Variants in CNGB1 observed in about 807,000 individuals in gnomAD.
CNGB1 encodes cyclic nucleotide gated channel subunit beta 1.
In CNGB1, 126 loss-of-function variants were observed where a neutral mutation model predicts 151.7. That is an observed-to-expected ratio of 0.83 (90% CI 0.72 to 0.96). CNGB1 has a LOEUF of 0.96. Ranked by LOEUF, CNGB1 falls within the 40% of genes least tolerant of loss-of-function variation. The pLI, the probability that CNGB1 is intolerant of heterozygous loss-of-function variation, is 0.00. For synonymous variants in CNGB1, 623 were observed against 635.1 expected, an observed-to-expected ratio of 0.98 and a Z score of 0.29; for missense variants, 1,698 against 1,627.0, an observed-to-expected ratio of 1.04 and a Z score of -0.75.
At position 57,897,905 on chromosome 16, in the gene CNGB1, C is replaced by T. The variant is rs546596310; in HGVS notation, c.2986G>A (p.Gly996Ser). 2.6e-5 allele frequency: 42 copies of T among 1,614,162 alleles called. No individual in the cohort carries two copies. The highest frequency in any genetic ancestry group is 2.0e-4 in the South Asian group (18 of 91,086). ...GCCTGGATGATGTACATCTCACGGCCGATCTCCCCCTGAAACAAAGAAGTG... is the reference window on the plus strand; with the variant it reads ...GCCTGGATGATGTACATCTCACGGCTGATCTCCCCCTGAAACAAAGAAGTG... ...NDYVCKKGEI[G>S]REMYIIQAGQ... The change falls in exon 30 of 33, where the codon GGC becomes AGC. Residue 996 changes from glycine to serine, a missense_variant. By Grantham distance (56) the Gly-to-Ser change is moderately conservative. Transcript: ENST00000251102.
At chr16:57,904,644 G>A (rs1960490399) in intron 26 of CNGB1, 90 bp downstream of exon 26, 1 of 1,579,602 alleles carries the variant, frequency 6.3e-7, no homozygotes, top group Non-Finnish European at 8.7e-7. Flanking sequence ...TAATCCAAAA[G>A]CAACGGGCAC....
At chr16:57,926,761 C>T (rs1289261811) in intron 17 of CNGB1, among the ~76,000 whole-genome samples, 1 of 152,186 alleles carries the variant, frequency 6.6e-6, no homozygotes, top group African/African-American at 2.4e-5. Flanking sequence ...GGGCAGATCA[C>T]TTGAGGTCAG....
At position 57,903,962 on chromosome 16, in the gene CNGB1, G is replaced by A. The variant is rs747402696; in HGVS notation, c.2654C>T (p.Ala885Val). 6.2e-7 allele frequency: 1 copy of A among 1,613,862 alleles called. No homozygotes were observed. The highest frequency in any genetic ancestry group is 8.5e-7 in the Non-Finnish European group (1 of 1,179,968). Residue 885 changes from alanine (A) to valine (V), a missense_variant, in exon 27 of 33, where the codon GCC (alanine) becomes GTC (valine). Coordinates refer to ENST00000251102, the MANE Select transcript of CNGB1 (RefSeq NM_001297.5). ...GTAGTAGGTCTGTCCGGCGGTGGCG[G>A]CCCCTACCACATCTCTCATCTGGGG... The part of the protein sequence containing the change: ...MIGQMRDVVG[A>V]ATAGQTYYRS...
At chr16:57,898,835 T>C (rs1291081209) in intron 29 of CNGB1, among the ~76,000 whole-genome samples, 2 of 152,242 alleles carry the variant, frequency 1.3e-5, no homozygotes, top group Non-Finnish European at 2.9e-5. Flanking sequence ...ATGGTTGTTA[T>C]GGGTTGAATT....
rs747053697 is a variant in CNGB1, at chr16:57,897,812, C to T, written c.3079G>A (p.Val1027Met). 70 of 1,614,134 alleles carry T rather than the reference C, an allele frequency of 4.3e-5. No homozygotes were observed. Among genetic ancestry groups the T allele is most frequent in the Non-Finnish European group, 5.8e-5 (68 of 1,180,054 alleles). Reference protein sequence around the residue: ...SVLVTLKAGSVFGEISLLAVG... With the variant: ...SVLVTLKAGSMFGEISLLAVG... ...GCGTCTGACCTTATTTCTCCAAACA[C>T]AGATCCAGCTTTCAGCGTCACCAGC... is the stretch of plus-strand genomic sequence containing the variant. Residue 1027 changes from valine (V) to methionine (M), a missense_variant, in exon 30 of 33, where the codon GTG becomes ATG. Coordinates refer to ENST00000251102, the MANE Select transcript of CNGB1 (RefSeq NM_001297.5).
At chr16:57,895,048 T>TTAC (rs1960186008) in intron 31 of CNGB1, among the ~76,000 whole-genome samples, 1 of 152,212 alleles carries the variant, frequency 6.6e-6, no homozygotes, top group South Asian at 2.1e-4. Flanking sequence ...CTTTTTGTTT[T>TTAC]TACAGTGACA....
Position 57,884,097 on chromosome 16 carries a change from G to T in CNGB1, c.*67C>A, listed in dbSNP as rs1003564801. ...GTGGGGGAAGGTGGGGCGCTGGGGCGCAGGGGCGCAGCGGGCGCTGGGGAC... is the reference window on the plus strand; with the variant it reads ...GTGGGGGAAGGTGGGGCGCTGGGGCTCAGGGGCGCAGCGGGCGCTGGGGAC... On this transcript the variant is annotated 3_prime_UTR_variant, in exon 33 of 33. Transcript: ENST00000251102. 1.9e-6 allele frequency: 3 copies of T among 1,605,974 alleles called. No individual in the cohort carries two copies. Among genetic ancestry groups the T allele is most frequent in the Non-Finnish European group, 2.6e-6 (3 of 1,173,068 alleles).
intron 21 of CNGB1, among the ~76,000 whole-genome samples, chr16:57,916,478 G>A (rs1159411998): frequency 1.3e-5 from 2 of 152,170 alleles, no homozygotes; most frequent in African/African-American, 4.8e-5. Flanking sequence ...TGTTTACTAA[G>A]GAATTGGTAG....
At chr16:57,899,276 C>T (rs1305004787) in intron 29 of CNGB1, among the ~76,000 whole-genome samples, 1 of 152,174 alleles carries the variant, frequency 6.6e-6, no homozygotes, top group African/African-American at 2.4e-5. Context: ...TCCTGGCCAG[C>T]TACCTGTGAG....
chr16:57,941,674 C>A (rs6499927), intron 14 of CNGB1, among the ~76,000 whole-genome samples: 11,508 of 152,106 alleles, frequency 0.076, 1,401 homozygotes, highest in African/African-American at 0.26. Flanking sequence ...ATCTTTCAAC[C>A]AATTACATAT....
intron 31 of CNGB1, among the ~76,000 whole-genome samples, chr16:57,894,649 G>C (rs1408161983): frequency 2.0e-5 from 3 of 152,180 alleles, no homozygotes; most frequent in East Asian, 1.9e-4. Context: ...TTTCGCAAAA[G>C]TAAGCAGAGG....
chr16:57,935,402 G>T (rs555198190), intron 16 of CNGB1, among the ~76,000 whole-genome samples: 2 of 152,140 alleles, frequency 1.3e-5, no homozygotes, highest in Non-Finnish European at 2.9e-5. Flanking sequence ...AATTGAGGCC[G>T]GGCACAGTGG....
At chr16:57,936,502 T>A (rs1961511935) in intron 16 of CNGB1, among the ~76,000 whole-genome samples, 1 of 152,170 alleles carries the variant, frequency 6.6e-6, no homozygotes, top group Non-Finnish European at 1.5e-5. Context: ...CCCAAAGAAA[T>A]GAATTGCTGG....
At chr16:57,960,146 T>C in intron 9 of CNGB1, 81 bp from the exon 10 acceptor site, 2 of 1,525,086 alleles carry the variant, frequency 1.3e-6, no homozygotes, top group Non-Finnish European at 1.8e-6. Flanking sequence ...GGGGCCAGAT[T>C]CGAGTCGCTA....
At chr16:57,896,725 T>C (rs1960238452) in intron 31 of CNGB1, among the ~76,000 whole-genome samples, 2 of 140,566 alleles carry the variant, frequency 1.4e-5, no homozygotes, top group Non-Finnish European at 3.1e-5. Context: ...AATAAATAAA[T>C]AAATAAATAA....
At chr16:57,907,504 G>C in intron 25 of CNGB1, among the ~76,000 whole-genome samples, 1 of 152,212 alleles carries the variant, frequency 6.6e-6, no homozygotes, top group East Asian at 1.9e-4. Flanking sequence ...ACTGACTCCT[G>C]TTCAGGCCCA....
At chr16:57,931,129 T>C (rs1307713581) in intron 17 of CNGB1, among the ~76,000 whole-genome samples, 1 of 151,556 alleles carries the variant, frequency 6.6e-6, no homozygotes, top group Non-Finnish European at 1.5e-5. Flanking sequence ...TGTATTACTA[T>C]ATTATTTATT....
intron 31 of CNGB1, among the ~76,000 whole-genome samples, chr16:57,894,726 G>A (rs907116213): frequency 2.0e-5 from 3 of 152,178 alleles, no homozygotes; most frequent in Admixed American, 6.6e-5. Flanking sequence ...GGGGCAATGG[G>A]GACAGGGAGA....
intron 26 of CNGB1, among the ~76,000 whole-genome samples, chr16:57,904,243 G>A (rs1224684234): frequency 1.3e-5 from 2 of 152,156 alleles, no homozygotes; most frequent in Non-Finnish European, 2.9e-5. Flanking sequence ...CCACACCATG[G>A]GGGAAAGCTC....
Sources: allele counts gnomAD v4.1 joint callset (sites outside exome capture counted in the v4.1 genomes callset), GRCh38; gene constraint gnomAD v4.1.1; transcripts MANE v1.5; gene names NCBI Gene and HGNC (gene_info 2026-07-23, HGNC 2026-07-21).